C1orf50: variants seen among roughly 807,000 people sequenced by gnomAD.
The protein encoded by C1orf50 is chromosome 1 open reading frame 50, also known as uncharacterized protein C1orf50.
C1orf50 carries 22 observed loss-of-function variants against 23.3 expected under a neutral mutation model. That is an observed-to-expected ratio of 0.94 (90% confidence interval 0.67 to 1.35). The LOEUF is 1.35. Ranked by LOEUF, C1orf50 falls within the 40% of genes most tolerant of loss-of-function variation. The pLI is 0.00. For synonymous variants in C1orf50, 96 were observed against 102.4 expected (o/e 0.94, Z 0.38); for missense variants, 271 against 249.4 (o/e 1.09, Z -0.58).
In C1orf50 at chr1:42,773,655, G is replaced by C; in HGVS notation, c.282+6G>C. Reference sequence around the variant, plus strand: ...TGCAAGAACAAGCCAGGAAGGTAAGGAATGACTGTTAGACAGGCTTTCATT... The same window carrying C: ...TGCAAGAACAAGCCAGGAAGGTAAGCAATGACTGTTAGACAGGCTTTCATT... On this transcript the variant is annotated splice_donor_region_variant and intron_variant, in intron 3 of 4. Coordinates refer to ENST00000372525, the MANE Select transcript of C1orf50 (RefSeq NM_024097.4). 6.3e-7 allele frequency: 1 copy of C among 1,594,310 alleles called. No individual in the cohort carries two copies. Among genetic ancestry groups the C allele is most frequent in the Non-Finnish European group, 8.6e-7 (1 of 1,162,812 alleles).
rs6670611 is a variant in C1orf50 at position 42,775,733 on chromosome 1, G to A, written c.*339G>A. On this transcript the variant is annotated 3_prime_UTR_variant, in exon 5 of 5. Coordinates refer to ENST00000372525, the MANE Select transcript of C1orf50 (RefSeq NM_024097.4). The stretch of plus-strand genomic sequence containing the variant: ...CTTCCCATAAAAAGGTTGGTGGATC[G>A]TTTTCCAGAGAGAACTGTTTTCAGT... 0.01 allele frequency: 1,486 copies of A among 146,102 alleles called. 27 individuals are homozygous for A. The highest frequency in any genetic ancestry group is 0.037 in the African/African-American group (1,414 of 38,722). 9.1% of individuals were successfully genotyped at this position (146,102 alleles called of 1,614,324 possible).
chr1:42,773,953 G>A (rs1299161243), intron 3 of C1orf50, among the ~76,000 whole-genome samples: 1 of 152,058 alleles, frequency 6.6e-6, no homozygotes, highest in African/African-American at 2.4e-5. Context: ...CTCCCAAGTA[G>A]CTGGGATTAC....
At chr1:42,769,620 G>A (rs1653173498) in intron 2 of C1orf50, 2 of 151,470 alleles carry the variant, frequency 1.3e-5, no homozygotes, top group African/African-American at 4.9e-5. Flanking sequence ...AAGGCGGGTG[G>A]ATCACGAGAT....
At chr1:42,771,974 C>CA (rs10715817) in intron 2 of C1orf50, among the ~76,000 whole-genome samples, 164 of 126,250 alleles carry the variant, frequency 1.3e-3, no homozygotes, top group African/African-American at 2.5e-3. Flanking sequence ...GACTCTGCCT[C>CA]AAAAAAAAAA....
Position 42,775,414 on chromosome 1 carries a change from G to T in C1orf50, c.*20G>T, listed in dbSNP as rs777181057. Reference sequence around the variant, plus strand: ...CACTGAGAGTGGGCTTTGACAAACAGCTCTCACAGGACCTGGCTGTCAACC... The same window carrying T: ...CACTGAGAGTGGGCTTTGACAAACATCTCTCACAGGACCTGGCTGTCAACC... On this transcript the variant is annotated 3_prime_UTR_variant, in exon 5 of 5. Transcript: ENST00000372525. The T allele has an allele frequency of 6.4e-7, 1 of 1,560,796 alleles. No individual in the cohort carries two copies. The highest frequency in any genetic ancestry group is 8.8e-7 in the Non-Finnish European group (1 of 1,140,342).
chr1:42,767,287 G>A lies in C1orf50; in HGVS notation c.-25G>A, dbSNP rs1317808507. 4.0e-6 allele frequency: 6 copies of A among 1,486,046 alleles called. No homozygotes were observed. Among genetic ancestry groups the A allele is most frequent in the African/African-American group, 2.8e-5 (2 of 70,662 alleles). The allele number at this position is 1,486,046 out of a possible 1,614,324, so 92.1% of individuals were successfully genotyped here. A position where few individuals can be genotyped will look rare whatever the true frequency, so the allele number is the denominator to read the frequency against. On this transcript the variant is annotated 5_prime_UTR_variant, in exon 1 of 5. Transcript: ENST00000372525. ...GGCTCTTCCTACTCGCACAGCCCAG[G>A]GAGTGGGGAGGATAAGGCGCTGTCA... is the stretch of plus-strand genomic sequence containing the variant.
intron 2 of C1orf50, among the ~76,000 whole-genome samples, chr1:42,770,799 C>T (rs1653200209): frequency 6.6e-6 from 1 of 152,126 alleles, no homozygotes; most frequent in Admixed American, 6.6e-5. Context: ...CTGGTCTCTG[C>T]TCTCTTTTTA....
At chr1:42,769,045 T>A (rs750370179) in intron 2 of C1orf50, among the ~76,000 whole-genome samples, 2 of 151,008 alleles carry the variant, frequency 1.3e-5, no homozygotes, top group Non-Finnish European at 3.0e-5. Context: ...GGGTGGATCA[T>A]TTGAAGTCAG....
chr1:42,771,778 G>A (rs1653227341), intron 2 of C1orf50, among the ~76,000 whole-genome samples: 1 of 152,068 alleles, frequency 6.6e-6, no homozygotes, highest in African/African-American at 2.4e-5. Context: ...AGGAGTTCGA[G>A]GCCAGCCTGG....
At position 42,775,193 on chromosome 1, in the gene C1orf50, C is replaced by T; in HGVS notation, c.415-16C>T. On this transcript the variant is annotated splice_polypyrimidine_tract_variant and intron_variant, in intron 4 of 4. Coordinates refer to ENST00000372525, the MANE Select transcript of C1orf50 (RefSeq NM_024097.4). Reference sequence around the variant, plus strand: ...CAACCCACGCTGATGGGAACTGCCTCCTTTGCCTTCTCTAGGAATGGGGGA... The same window carrying T: ...CAACCCACGCTGATGGGAACTGCCTTCTTTGCCTTCTCTAGGAATGGGGGA... 1 of 1,585,420 alleles carries T rather than the reference C, an allele frequency of 6.3e-7. No individual in the cohort carries two copies. Among genetic ancestry groups the T allele is most frequent in the Non-Finnish European group, 8.6e-7 (1 of 1,156,300 alleles).
At position 42,776,748 on chromosome 1, in the gene C1orf50, C is replaced by T. The variant is rs954699693; in HGVS notation, c.*1354C>T. On this transcript the variant is annotated 3_prime_UTR_variant, in exon 5 of 5. Transcript: ENST00000372525. Reference sequence around the variant, plus strand: ...GTCTTTTGCTCAGGTGCTGCAGAGCCGGATGGAAGAGACATTAGTGGTAGA... The same window carrying T: ...GTCTTTTGCTCAGGTGCTGCAGAGCTGGATGGAAGAGACATTAGTGGTAGA... 1 of 152,102 alleles carries T rather than the reference C, an allele frequency of 6.6e-6. No homozygotes were observed. Among genetic ancestry groups the T allele is most frequent in the African/African-American group, 2.4e-5 (1 of 41,404 alleles). 9.4% of individuals were successfully genotyped at this position (152,102 alleles called of 1,614,324 possible). A position where few individuals can be genotyped will look rare whatever the true frequency, so the allele number is the denominator to read the frequency against.
At chr1:42,769,707 G>A (rs1653175993) in intron 2 of C1orf50, 1 of 151,756 alleles carries the variant, frequency 6.6e-6, no homozygotes, top group Non-Finnish European at 1.5e-5. Context: ...GCCGGGCATG[G>A]TGGCAGACGC....
At chr1:42,767,432 G>T (rs1301174158) in intron 1 of C1orf50, 42 bp downstream of exon 1, 1 of 1,553,036 alleles carries the variant, frequency 6.4e-7, no homozygotes, top group Non-Finnish European at 8.7e-7. Context: ...CAGCTCCCGC[G>T]AGGCAGCCGG....
rs142762422 is a variant in C1orf50 at position 42,767,681 on chromosome 1, G to A, written c.195+57G>A. Reference sequence around the variant, plus strand: ...CATCTTCGTTCACGTTGTACTCTGCGTCTTTCGGCTCAGACCTCACTACCA... The same window carrying A: ...CATCTTCGTTCACGTTGTACTCTGCATCTTTCGGCTCAGACCTCACTACCA... On this transcript the variant is annotated intron_variant, in intron 2 of 4. Coordinates refer to ENST00000372525, the MANE Select transcript of C1orf50 (RefSeq NM_024097.4). 3.2e-4 allele frequency: 468 copies of A among 1,484,050 alleles called. No individual in the cohort carries two copies. In the African/African-American group the frequency reaches 4.7e-3, roughly 15 times the overall value. The allele number at this position is 1,484,050 out of a possible 1,614,324, so 91.9% of individuals were successfully genotyped here.
intron 2 of C1orf50, 114 bp from the exon 3 acceptor site, chr1:42,773,449 G>A (rs924744679): frequency 1.6e-6 from 1 of 644,998 alleles, no homozygotes; most frequent in Non-Finnish European, 2.7e-6. Context: ...GGCAAGAATG[G>A]GAAAAATATT....
At chr1:42,769,134 G>T (rs1449748869) in intron 2 of C1orf50, among the ~76,000 whole-genome samples, 3 of 152,078 alleles carry the variant, frequency 2.0e-5, no homozygotes, top group Non-Finnish European at 4.4e-5. Context: ...TGTAGTCTCA[G>T]CTACTCGGGA....
chr1:42,774,968 T>A, intron 4 of C1orf50, 100 bp downstream of exon 4: 1 of 1,422,938 alleles, frequency 7.0e-7, no homozygotes, highest in Non-Finnish European at 9.5e-7. Context: ...ATATGGTTTC[T>A]TAGAAAATTG....
chr1:42,771,906 A>T (rs948070910), intron 2 of C1orf50, among the ~76,000 whole-genome samples: 2 of 149,920 alleles, frequency 1.3e-5, no homozygotes, highest in African/African-American at 4.9e-5. Flanking sequence ...TGAACCCGGG[A>T]GGCGGAGGTT....
rs1653373960 is a variant in C1orf50, at chr1:42,778,050, G to A, written c.*2656G>A. 6.6e-6 allele frequency: 1 copy of A among 151,996 alleles called. No individual in the cohort carries two copies. Among genetic ancestry groups the A allele is most frequent in the Non-Finnish European group, 1.5e-5 (1 of 67,994 alleles). The allele number at this position is 151,996 out of a possible 1,614,324, so 9.4% of individuals were successfully genotyped here. ...TGTACTCCCTGCACTGACCACCAAG[G>A]GGTGTCATTGCTCTTTCCTGGTTAA... On this transcript the variant is annotated 3_prime_UTR_variant, in exon 5 of 5. Transcript: ENST00000372525.
Sources: gnomAD v4.1 joint callset for allele counts (sites outside exome capture counted in the v4.1 genomes callset) on GRCh38, gnomAD v4.1.1 for gene constraint, MANE v1.5 for transcripts, NCBI Gene and HGNC (gene_info 2026-07-23, HGNC 2026-07-21) for gene names.